Variants in PPM1E observed in about 807,000 individuals in gnomAD.
The protein encoded by PPM1E is protein phosphatase, Mg2+/Mn2+ dependent 1E, also known as protein phosphatase 1E.
A neutral mutation model predicts 65.9 loss-of-function variants in PPM1E; 20 were observed. That is an observed-to-expected ratio of 0.30 (90% CI 0.21 to 0.44). PPM1E has a LOEUF of 0.44. PPM1E is among the 20% of genes least tolerant of loss of function. PPM1E has a pLI of 1.00. For missense variants in PPM1E, 713 were observed against 953.1 expected (o/e 0.75, Z 3.32); for synonymous variants, 352 against 374.9 (o/e 0.94, Z 0.70).
chr17:58,788,842 G>A (rs1371595418), intron 1 of PPM1E, among the ~76,000 whole-genome samples: 1 of 152,144 alleles, frequency 6.6e-6, no homozygotes, highest in Non-Finnish European at 1.5e-5. Flanking sequence ...GCTTTATACA[G>A]ATTGAAACTG....
At chr17:58,810,744 C>T (rs2050358462) in intron 1 of PPM1E, among the ~76,000 whole-genome samples, 1 of 152,094 alleles carries the variant, frequency 6.6e-6, no homozygotes, top group Non-Finnish European at 1.5e-5. Flanking sequence ...AATAGTTGAA[C>T]TGTTCTATAA....
chr17:58,851,243 G>T (rs2050823511), intron 1 of PPM1E, among the ~76,000 whole-genome samples: 2 of 152,126 alleles, frequency 1.3e-5, no homozygotes, highest in Non-Finnish European at 2.9e-5. Context: ...GCTCGGAGAA[G>T]TTTGTTATTA....
chr17:58,879,599 C>T (rs1054067212), intron 1 of PPM1E, among the ~76,000 whole-genome samples: 8 of 149,752 alleles, frequency 5.3e-5, no homozygotes, highest in African/African-American at 1.5e-4. Context: ...AGCTCCGCCT[C>T]CCGGGTTCAC....
chr17:58,759,130 A>G (rs1282735739), intron 1 of PPM1E, among the ~76,000 whole-genome samples: 1 of 152,130 alleles, frequency 6.6e-6, no homozygotes, highest in Non-Finnish European at 1.5e-5. Flanking sequence ...TTAGCTGGGC[A>G]TGGTGGTGTG....
chr17:58,907,642 G>A (rs1352093641), intron 1 of PPM1E, among the ~76,000 whole-genome samples: 2 of 152,142 alleles, frequency 1.3e-5, no homozygotes, highest in East Asian at 1.9e-4. Context: ...TGTTCTACCA[G>A]TTTTTGCCTC....
At chr17:58,976,075 G>A (rs2030977459) in intron 6 of PPM1E, among the ~76,000 whole-genome samples, 1 of 152,186 alleles carries the variant, frequency 6.6e-6, no homozygotes, top group Admixed American at 6.5e-5. Context: ...GCTGATTCAG[G>A]AAAGGGTTCC....
chr17:58,855,418 T>C (rs2050871642), intron 1 of PPM1E, among the ~76,000 whole-genome samples: 1 of 152,184 alleles, frequency 6.6e-6, no homozygotes, highest in South Asian at 2.1e-4. Flanking sequence ...CACTGAAAGA[T>C]AGAAACCTAA....
intron 1 of PPM1E, among the ~76,000 whole-genome samples, chr17:58,770,395 A>G (rs1008689356): frequency 3.3e-5 from 5 of 152,106 alleles, no homozygotes; most frequent in African/African-American, 1.2e-4. Flanking sequence ...GCATGCTGGC[A>G]TACTCCTTTA....
intron 1 of PPM1E, among the ~76,000 whole-genome samples, chr17:58,795,144 G>A (rs985716060): frequency 1.3e-5 from 2 of 151,924 alleles, no homozygotes; most frequent in African/African-American, 4.8e-5. Flanking sequence ...TGCCTGCCTT[G>A]GCCTCCCAAA....
intron 1 of PPM1E, among the ~76,000 whole-genome samples, chr17:58,796,608 A>G (rs1416511222): frequency 7.6e-6 from 1 of 132,346 alleles, no homozygotes; most frequent in Non-Finnish European, 1.6e-5. Context: ...TTTATCTTTT[A>G]ATTAAGTATT....
chr17:58,898,715 T>C (rs1478912149), intron 1 of PPM1E, among the ~76,000 whole-genome samples: 2 of 152,142 alleles, frequency 1.3e-5, no homozygotes, highest in Non-Finnish European at 2.9e-5. Context: ...CACACATATG[T>C]TTATTGCGGC....
At chr17:58,927,876 T>G (rs1328785731) in intron 1 of PPM1E, among the ~76,000 whole-genome samples, 1 of 152,002 alleles carries the variant, frequency 6.6e-6, no homozygotes, top group Non-Finnish European at 1.5e-5. Context: ...CTGGCCAAGA[T>G]GGTGAAACCC....
intron 1 of PPM1E, among the ~76,000 whole-genome samples, chr17:58,910,710 T>C (rs2051617315): frequency 6.6e-6 from 1 of 152,174 alleles, no homozygotes; most frequent in Non-Finnish European, 1.5e-5. Context: ...GCTTCACATA[T>C]TGTTCTCAGG....
intron 1 of PPM1E, among the ~76,000 whole-genome samples, chr17:58,875,106 GACTT>G (rs1177582121): frequency 1.3e-5 from 2 of 152,092 alleles, no homozygotes; most frequent in African/African-American, 2.4e-5. Context: ...AGTTTTGAAA[GACTT>G]ACTTTCTAGA....
intron 1 of PPM1E, among the ~76,000 whole-genome samples, chr17:58,757,333 C>T (rs1338795214): frequency 6.6e-6 from 1 of 152,172 alleles, no homozygotes; most frequent in African/African-American, 2.4e-5. Flanking sequence ...AGATGAAAGT[C>T]TAAAATAGAA....
intron 1 of PPM1E, among the ~76,000 whole-genome samples, chr17:58,925,946 A>C (rs991264826): frequency 6.6e-6 from 1 of 152,150 alleles, no homozygotes; most frequent in Non-Finnish European, 1.5e-5. Flanking sequence ...TTACATTCTC[A>C]TCAACAGTGT....
Position 58,972,021 on chromosome 17 carries a change from T to C in PPM1E, c.973-111T>C, listed in dbSNP as rs189579374. The C allele has an allele frequency of 3.2e-3, 3,258 of 1,010,250 alleles. 14 individuals carry two copies. Among genetic ancestry groups the C allele is most frequent in the South Asian group, 7.6e-3 (417 of 54,844 alleles). The allele number at this position is 1,010,250 out of a possible 1,614,324, so 62.6% of individuals were successfully genotyped here. ...ATTATTATATATGTGTGAAATTCCA[T>C]TATTAATAGTATAGCTCCCAGCTGA... On this transcript the variant is annotated intron_variant, in intron 4 of 6. Transcript: ENST00000308249.
intron 1 of PPM1E, among the ~76,000 whole-genome samples, chr17:58,772,529 G>A (rs935311532): frequency 6.6e-6 from 1 of 151,646 alleles, no homozygotes; most frequent in Non-Finnish European, 1.5e-5. Flanking sequence ...GTAGTCCCTT[G>A]GATTTTGGAA....
chr17:58,961,350 A>G (rs1037795096), intron 2 of PPM1E, among the ~76,000 whole-genome samples: 16 of 152,240 alleles, frequency 1.1e-4, no homozygotes, highest in Non-Finnish European at 2.9e-5. Flanking sequence ...TGTCAAGGGC[A>G]ATTAAGACAG....
Sources: gnomAD v4.1 joint callset for allele counts (sites outside exome capture counted in the v4.1 genomes callset) on GRCh38, gnomAD v4.1.1 for gene constraint, MANE v1.5 for transcripts, NCBI Gene and HGNC (gene_info 2026-07-23, HGNC 2026-07-21) for gene names.